MGST2: variants seen among roughly 807,000 people sequenced by gnomAD.
MGST2 encodes the protein glutathione peroxidase MGST2.
In MGST2, 9 loss-of-function variants were observed where a neutral mutation model predicts 16.6. That is an observed-to-expected ratio of 0.54 (90% CI 0.33 to 0.95). MGST2 has a LOEUF of 0.95. MGST2 is among the 40% of genes least tolerant of loss of function. The probability of loss-of-function intolerance (pLI) is 0.03; values close to 1 mark genes in which losing one functional copy is unlikely to be tolerated. For synonymous variants in MGST2, 79 were observed against 68.0 expected (o/e 1.16, Z -0.79); for missense variants, 159 against 175.1 (o/e 0.91, Z 0.52).
At position 139,735,852 on chromosome 4, in the gene MGST2, A is replaced by C. The variant is rs377673486; in HGVS notation, c.*49-4360A>C. 7.9e-5 allele frequency among the ~76,000 whole-genome samples: 12 copies of C among 152,034 alleles called. No homozygotes were observed. The East Asian group carries it at 1.4e-3, about 17-fold the overall frequency. ...CCACGAGGCGGTCCCGGGCGCGGGC[A>C]GGGGCGGTGCGGCGGCGCTCGGGAG... is the stretch of plus-strand genomic sequence containing the variant. On this transcript the variant is annotated intron_variant, in intron 5 of 5. Coordinates refer to the MGST2 transcript ENST00000616265. The surrounding 1 kb of genome is among the most constrained non-coding windows in gnomAD (Gnocchi z 5.8).
chr4:139,688,247 G>T lies in MGST2; in HGVS notation c.159-6950G>T, dbSNP rs553819431. Among the ~76,000 whole-genome samples the T allele has an allele frequency of 2.5e-4, 38 of 151,740 alleles. No individual in the cohort carries two copies. In the South Asian group the frequency reaches 4.6e-3, roughly 18 times the overall value. ...TTTTCTCCAACCATTTAGAAATTTT[G>T]GTTCTCTTTAGACAAAAATTTTTAA... On this transcript the variant is annotated intron_variant, in intron 2 of 4. Coordinates refer to ENST00000265498, the MANE Select transcript of MGST2 (RefSeq NM_002413.5).
chr4:139,694,025 C>A (rs184812090), intron 2 of MGST2, among the ~76,000 whole-genome samples: 13 of 152,058 alleles, frequency 8.5e-5, no homozygotes, highest in Non-Finnish European at 1.5e-4. Context: ...ATGTTTCTTA[C>A]CCAGCTTTAA....
At chr4:139,680,278 T>G (rs1359315447) in intron 2 of MGST2, among the ~76,000 whole-genome samples, 1 of 152,240 alleles carries the variant, frequency 6.6e-6, no homozygotes, top group African/African-American at 2.4e-5. Context: ...GGCCTTATAG[T>G]ATACTGTGGT....
intron 3 of MGST2, among the ~76,000 whole-genome samples, chr4:139,702,844 GTTTTTTTTTTTT>G (rs70943436): frequency 0.027 from 1,269 of 46,482 alleles, 77 homozygotes; most frequent in African/African-American, 0.071. Flanking sequence ...TGTGTTACTG[GTTTTTTTTTTTT>G]TTTTTTTTTT....
At chr4:139,670,269 CGG>C (rs1730611354) in intron 1 of MGST2, among the ~76,000 whole-genome samples, 3 of 35,716 alleles carry the variant, frequency 8.4e-5, no homozygotes, top group Non-Finnish European at 1.5e-4. Context: ...GGGGGGGGGG[CGG>C]TTAACAGAAA....
At chr4:139,674,436 T>C (rs751997218) in intron 1 of MGST2, among the ~76,000 whole-genome samples, 1 of 152,082 alleles carries the variant, frequency 6.6e-6, no homozygotes, top group Non-Finnish European at 1.5e-5. Flanking sequence ...ACAAGGAATT[T>C]CCTTGTGGGT....
intron 2 of MGST2, among the ~76,000 whole-genome samples, chr4:139,692,832 T>C (rs1010330930): frequency 2.0e-5 from 3 of 152,216 alleles, no homozygotes; most frequent in African/African-American, 7.2e-5. Flanking sequence ...CCAAAGGGCT[T>C]CTGCCCTCTG....
At chr4:139,745,091 C>T (rs1232134795), downstream of MGST2, among the ~76,000 whole-genome samples, 1 of 152,166 alleles carries the variant, frequency 6.6e-6, no homozygotes, top group African/African-American at 2.4e-5. Context: ...AGGGACTTGA[C>T]TGAGAGCCTT....
the MGST2 span, among the ~76,000 whole-genome samples, chr4:139,749,857 T>C: frequency 6.6e-6 from 1 of 150,838 alleles, no homozygotes; most frequent in Non-Finnish European, 1.5e-5. Context: ...TGTCCCCCTT[T>C]CAACTCTCAT....
intron 5 of MGST2, among the ~76,000 whole-genome samples, chr4:139,721,304 G>A (rs1043905450): frequency 2.0e-5 from 3 of 152,266 alleles, no homozygotes; most frequent in South Asian, 2.1e-4. Flanking sequence ...TGGAAATGTC[G>A]CCAGTAGAAC....
intron 3 of MGST2, chr4:139,698,616 C>T (rs1289609349): frequency 1.4e-5 from 12 of 832,986 alleles, no homozygotes; most frequent in Middle Eastern, 2.6e-4. Flanking sequence ...GAGCGAGAGG[C>T]GGCGCTGGCG....
chr4:139,742,047 C>T (rs1395212259), downstream of MGST2, among the ~76,000 whole-genome samples: 2 of 152,092 alleles, frequency 1.3e-5, no homozygotes, highest in African/African-American at 4.8e-5. Context: ...CTAACACAGC[C>T]CTTGACTCCA....
intron 5 of MGST2, chr4:139,725,700 T>TA (rs1191014707): frequency 1.9e-6 from 3 of 1,556,426 alleles, no homozygotes; most frequent in Admixed American, 3.4e-5. Flanking sequence ...CACATTCACT[T>TA]ACGCTTCACC....
At chr4:139,709,292 C>T (rs1727651219) in intron 5 of MGST2, among the ~76,000 whole-genome samples, 1 of 151,870 alleles carries the variant, frequency 6.6e-6, no homozygotes, top group Non-Finnish European at 1.5e-5. Flanking sequence ...ACCGTGTTAG[C>T]CAGGATGGTC....
chr4:139,730,838 A>G, intron 5 of MGST2: 2 of 627,098 alleles, frequency 3.2e-6, no homozygotes, highest in Admixed American at 2.9e-5. Flanking sequence ...ACCCGACCTT[A>G]CCTGAGTAGA....
rs911986946 is a variant in MGST2, at chr4:139,730,817, C to T, written c.*49-9395C>T. On this transcript the variant is annotated intron_variant, in intron 5 of 5. Transcript: ENST00000616265. ...GTGGCACGCATTGCATTTCCATAAACGTAGCTTCAAACCCGACCTTACCTG... is the reference window on the plus strand; with the variant it reads ...GTGGCACGCATTGCATTTCCATAAATGTAGCTTCAAACCCGACCTTACCTG... 3.8e-5 allele frequency: 26 copies of T among 691,428 alleles called. 2 individuals carry two copies. Among genetic ancestry groups the T allele is most frequent in the African/African-American group, 1.3e-4 (7 of 55,450 alleles). The allele number at this position is 691,428 out of a possible 1,614,324, so 42.8% of individuals were successfully genotyped here.
intron 3 of MGST2, among the ~76,000 whole-genome samples, chr4:139,701,831 GTGGCA>G (rs1432449376): frequency 6.6e-6 from 1 of 152,082 alleles, no homozygotes; most frequent in African/African-American, 2.4e-5. Flanking sequence ...GCCAGGCCTG[GTGGCA>G]TACACCAGTG....
chr4:139,710,440 G>A (rs1727692382), intron 5 of MGST2, among the ~76,000 whole-genome samples: 1 of 152,038 alleles, frequency 6.6e-6, no homozygotes, highest in Non-Finnish European at 1.5e-5. Context: ...AGTGCCAAAC[G>A]AGTATAAGTA....
chr4:139,720,465 GATT>G, intron 5 of MGST2: 2 of 795,950 alleles, frequency 2.5e-6, no homozygotes, highest in African/African-American at 1.7e-5. Context: ...TAACAAAAAT[GATT>G]ATTTTTCTGA....
Sources: gnomAD v4.1 joint callset for allele counts (sites outside exome capture counted in the v4.1 genomes callset) on GRCh38, gnomAD v4.1.1 for gene constraint, Gnocchi (gnomAD v3.1) non-coding constraint, MANE v1.5 for transcripts, NCBI Gene and HGNC (gene_info 2026-07-23, HGNC 2026-07-21) for gene names.